The following TMF1 variants were observed in gnomAD, a reference collection of about 807,000 sequenced individuals.
TMF1 encodes the protein TATA element modulatory factor.
A neutral mutation model predicts 126.5 loss-of-function variants in TMF1; 71 were observed. That is an observed-to-expected ratio of 0.56 (90% CI 0.46 to 0.68). The LOEUF (loss-of-function observed/expected upper bound fraction) is 0.68, where lower values mean the gene tolerates loss of function less well. Among genes scored for constraint, TMF1 ranks in the 30% least tolerant of loss-of-function variants. The pLI is 0.00. For synonymous variants in TMF1, 461 were observed against 430.5 expected, an observed-to-expected ratio of 1.07 and a Z score of -0.88; for missense variants, 1,259 against 1,253.2, an observed-to-expected ratio of 1.00 and a Z score of -0.07.
intron 11 of TMF1, 114 bp from the exon 12 acceptor site, chr3:69,028,409 T>C: frequency 1.5e-6 from 1 of 650,024 alleles, no homozygotes; most frequent in Non-Finnish European, 2.6e-6. Flanking sequence ...TCATTTTTAT[T>C]ACCAGCTTGA....
In TMF1 at chr3:69,052,170, G is replaced by A; in HGVS notation, c.-84C>T. 1.4e-6 allele frequency: 2 copies of A among 1,423,398 alleles called. No individual in the cohort carries two copies. The highest frequency in any genetic ancestry group is 2.9e-5 in the African/African-American group (2 of 69,288). 88.2% of individuals were successfully genotyped at this position (1,423,398 alleles called of 1,614,324 possible). ...GGGAAGGGTGCAGAGGAACGGCTTCGCTCCCCTTTTCCACTCGGCTGGTTC... is the reference window on the plus strand; with the variant it reads ...GGGAAGGGTGCAGAGGAACGGCTTCACTCCCCTTTTCCACTCGGCTGGTTC... On this transcript the variant is annotated 5_prime_UTR_variant, in exon 1 of 17. Transcript: ENST00000398559.
In TMF1 at chr3:69,052,222, A is replaced by G; in HGVS notation, c.-136T>C. The G allele has an allele frequency of 1.0e-6, 1 of 983,604 alleles. No individual in the cohort carries two copies. The highest frequency in any genetic ancestry group is 1.8e-5 in the South Asian group (1 of 55,628). 60.9% of individuals were successfully genotyped at this position (983,604 alleles called of 1,614,324 possible). On this transcript the variant is annotated 5_prime_UTR_variant, in exon 1 of 17. Coordinates refer to ENST00000398559, the MANE Select transcript of TMF1 (RefSeq NM_007114.3). ...GTCAGCGTGTGGCCATTACCCCGAC[A>G]GCCTCCCGCGAGCCCGGGATGTTAC... is the stretch of plus-strand genomic sequence containing the variant.
rs765237044 is a variant in TMF1, at chr3:69,025,845, T to C, written c.2860-133A>G. 29 of 1,177,994 alleles carry C rather than the reference T, an allele frequency of 2.5e-5. No individual in the cohort carries two copies. The Admixed American group carries it at 5.6e-4, about 23-fold the overall frequency. 73.0% of individuals were successfully genotyped at this position (1,177,994 alleles called of 1,614,324 possible). On this transcript the variant is annotated intron_variant, in intron 14 of 16. Coordinates refer to ENST00000398559, the MANE Select transcript of TMF1 (RefSeq NM_007114.3). ...TCAAAGGCAGAAAATCATTCACGTGTTTCCTCTCACTAAAATTAGCACTCC... is the reference window on the plus strand; with the variant it reads ...TCAAAGGCAGAAAATCATTCACGTGCTTCCTCTCACTAAAATTAGCACTCC...
At chr3:69,024,850 A>G (rs2091759250) in intron 15 of TMF1, 1 of 112,568 alleles carries the variant, frequency 8.9e-6, no homozygotes, top group Admixed American at 1.2e-4. Context: ...TGCATTATGT[A>G]CTTACTGGTT....
In TMF1 at chr3:69,043,782, G is replaced by T; in HGVS notation, c.1546C>A (p.Leu516Ile). The change falls in exon 4 of 17, where the codon CTA becomes ATA. Residue 516 changes from leucine to isoleucine, a missense_variant. Transcript: ENST00000398559. ...GCAGCATCTCTCTCTTTGCAGGCTA[G>T]TTGAACTTTCTTTTCTGCTTCTGCA... Reference protein sequence around the residue: ...RIAEAEKKVQLACKERDAAKK... With the variant: ...RIAEAEKKVQIACKERDAAKK... The T allele has an allele frequency of 6.2e-7, 1 of 1,611,666 alleles. No individual in the cohort carries two copies.
chr3:69,052,169 C>T lies in TMF1; in HGVS notation c.-83G>A. ...GGGGAAGGGTGCAGAGGAACGGCTT[C>T]GCTCCCCTTTTCCACTCGGCTGGTT... On this transcript the variant is annotated 5_prime_UTR_variant, in exon 1 of 17. Coordinates refer to ENST00000398559, the MANE Select transcript of TMF1 (RefSeq NM_007114.3). 7.0e-7 allele frequency: 1 copy of T among 1,429,032 alleles called. No homozygotes were observed. The highest frequency in any genetic ancestry group is 2.5e-5 in the East Asian group (1 of 40,414). 88.5% of individuals were successfully genotyped at this position (1,429,032 alleles called of 1,614,324 possible).
At chr3:69,026,173 G>A (rs547099678) in intron 13 of TMF1, 76 bp from the exon 14 acceptor site, 56 of 916,964 alleles carry the variant, frequency 6.1e-5, no homozygotes, top group African/African-American at 3.0e-4. Flanking sequence ...ATTTCCTAGG[G>A]TTAATGAGAA....
chr3:69,023,941 A>T, intron 16 of TMF1, 114 bp downstream of exon 16: 1 of 969,930 alleles, frequency 1.0e-6, no homozygotes, highest in Non-Finnish European at 1.5e-6. Flanking sequence ...CTCAAATATT[A>T]GTACTCTTTA....
Position 69,048,505 on chromosome 3 carries a change from T to C in TMF1, c.200A>G (p.Asn67Ser), listed in dbSNP as rs745782471. The part of the protein sequence containing the change: ...WDTSTWGLKS[N>S]TEPQSPPIAS... ...TATTGGTGGACTCTGAGGTTCAGTG[T>C]TTGATTTCAACCCCCAGGTTGAAGT... Residue 67 changes from asparagine (N) to serine (S), a missense_variant, in exon 2 of 17, where the codon AAC becomes AGC. Physicochemically the swap from Asn to Ser is conservative, Grantham distance 46. Coordinates refer to ENST00000398559, the MANE Select transcript of TMF1 (RefSeq NM_007114.3). 7 of 1,613,774 alleles carry C rather than the reference T, an allele frequency of 4.3e-6. No homozygotes were observed. In the Admixed American group the frequency reaches 6.7e-5, roughly 15 times the overall value.
Position 69,022,969 on chromosome 3 carries a change from AAT to A in TMF1, c.*206_*207del, listed in dbSNP as rs1240071890. On this transcript the variant is annotated 3_prime_UTR_variant, in exon 17 of 17. Transcript: ENST00000398559. ...TGCTTTAAAAAATAAATCTTTAAAG[AAT>A]AGTTTCAAAAATAAAGTTCAAATAT... 2.3e-6 allele frequency: 1 copy of A among 432,502 alleles called. No homozygotes were observed. Among genetic ancestry groups the A allele is most frequent in the African/African-American group, 2.1e-5 (1 of 48,688 alleles). The allele number at this position is 432,502 out of a possible 1,614,324, so 26.8% of individuals were successfully genotyped here. A position where few individuals can be genotyped will look rare whatever the true frequency, so the allele number is the denominator to read the frequency against.
At chr3:69,040,741 G>A (rs555312854) in intron 5 of TMF1, among the ~76,000 whole-genome samples, 1 of 152,216 alleles carries the variant, frequency 6.6e-6, no homozygotes, top group Admixed American at 6.5e-5. Context: ...GGCCAACATG[G>A]TGAAACCCCA....
At chr3:69,043,568 G>A (rs1312306324) in intron 4 of TMF1, among the ~76,000 whole-genome samples, 182 bp downstream of exon 4, 1 of 152,110 alleles carries the variant, frequency 6.6e-6, no homozygotes, top group African/African-American at 2.4e-5. Context: ...CAGCCTCCCA[G>A]TGTGCTGGGA....
rs1193308944 is a variant in TMF1, at chr3:69,026,036, C to A, written c.2819G>T (p.Gly940Val). ...TGTCTGTAGTCCTGCCATATCAACA[C>A]CACTTATTGAACTTGAGCGTGACAT... ...PTMSRSSSISGVDMAGLQTSF... is the reference protein window; with the variant it reads ...PTMSRSSSISVVDMAGLQTSF... The change falls in exon 14 of 17, where the codon GGT (glycine) becomes GTT (valine). Residue 940 changes from glycine (G) to valine (V), a missense_variant. Gly to Val is a moderately radical substitution (Grantham distance 109). Coordinates refer to ENST00000398559, the MANE Select transcript of TMF1 (RefSeq NM_007114.3). 3 of 1,614,094 alleles carry A rather than the reference C, an allele frequency of 1.9e-6. No individual in the cohort carries two copies. The highest frequency in any genetic ancestry group is 1.7e-6 in the Non-Finnish European group (2 of 1,179,972).
chr3:69,042,941 T>A, intron 4 of TMF1, 29 bp from the exon 5 acceptor site: 2 of 1,476,996 alleles, frequency 1.4e-6, no homozygotes, highest in Non-Finnish European at 1.9e-6. Flanking sequence ...GTGAATACCG[T>A]AAAGAATGAC....
At chr3:69,033,273 CAAAA>C (rs34778745) in intron 10 of TMF1, among the ~76,000 whole-genome samples, 12 of 85,636 alleles carry the variant, frequency 1.4e-4, no homozygotes, top group Non-Finnish European at 2.1e-4. Flanking sequence ...GACTCCATCT[CAAAA>C]AAAAAAAAAA....
chr3:69,023,972 C>G (rs1467403540), intron 16 of TMF1, 83 bp downstream of exon 16: 6 of 1,304,430 alleles, frequency 4.6e-6, no homozygotes, highest in Admixed American at 2.8e-5. Flanking sequence ...AAATCACTAA[C>G]ACATACTATA....
At position 69,033,713 on chromosome 3, in the gene TMF1, T is replaced by C. The variant is rs1315750710; in HGVS notation, c.2245-9A>G. ...TCTGCTTCCTGGAGTCTCTGAATCA[T>C]GAAATTCTGAAGTCATTACCAATGA... On this transcript the variant is annotated splice_polypyrimidine_tract_variant and intron_variant, in intron 9 of 16. Coordinates refer to ENST00000398559, the MANE Select transcript of TMF1 (RefSeq NM_007114.3). 3.8e-6 allele frequency: 6 copies of C among 1,598,148 alleles called. No homozygotes were observed. Among genetic ancestry groups the C allele is most frequent in the East Asian group, 2.3e-5 (1 of 44,340 alleles).
intron 9 of TMF1, among the ~76,000 whole-genome samples, chr3:69,034,328 C>A (rs1221686018): frequency 6.6e-6 from 1 of 152,020 alleles, no homozygotes; most frequent in East Asian, 1.9e-4. Flanking sequence ...CAAAAATTAG[C>A]TGGGCATGGT....
At chr3:69,047,281 A>G (rs1471963379) in intron 2 of TMF1, 77 bp downstream of exon 2, 17 of 1,464,802 alleles carry the variant, frequency 1.2e-5, no homozygotes, top group Admixed American at 2.4e-5. Context: ...TTATGCATCA[A>G]TGAAAGTATT....
Sources: allele counts gnomAD v4.1 joint callset (sites outside exome capture counted in the v4.1 genomes callset), GRCh38; gene constraint gnomAD v4.1.1; transcripts MANE v1.5; gene names NCBI Gene and HGNC (gene_info 2026-07-23, HGNC 2026-07-21).